The following PRKN variants were observed in gnomAD, a reference collection of about 807,000 sequenced individuals.
PRKN encodes the protein parkin RBR E3 ubiquitin protein ligase, also known as E3 ubiquitin-protein ligase parkin.
In PRKN, 56 loss-of-function variants were observed where a neutral mutation model predicts 59.5. That is an observed-to-expected ratio of 0.94 (90% confidence interval 0.76 to 1.18). PRKN has a LOEUF of 1.18. Among genes scored for constraint, PRKN ranks in the 50% most tolerant of loss-of-function variants. The pLI is 0.00. For missense variants in PRKN, 657 were observed against 596.4 expected, an observed-to-expected ratio of 1.10 and a Z score of -1.06; for synonymous variants, 250 against 222.1, an observed-to-expected ratio of 1.13 and a Z score of -1.12.
chr6:162,527,378 C>T (rs1188794666), intron 1 of PRKN, among the ~76,000 whole-genome samples: 1 of 152,000 alleles, frequency 6.6e-6, no homozygotes, highest in African/African-American at 2.4e-5. Flanking sequence ...CAGGAAAATC[C>T]AAAATAAGTA....
intron 1 of PRKN, among the ~76,000 whole-genome samples, chr6:162,672,430 C>CACT (rs1173096865): frequency 1.3e-5 from 2 of 152,042 alleles, no homozygotes; most frequent in African/African-American, 4.8e-5. Context: ...AATAAATGAA[C>CACT]ACTAGGATTG....
intron 4 of PRKN, among the ~76,000 whole-genome samples, chr6:162,193,209 C>A (rs963671007): frequency 6.6e-6 from 1 of 152,184 alleles, no homozygotes; most frequent in Non-Finnish European, 1.5e-5. Flanking sequence ...CAATGAATAA[C>A]ATATGATAAA....
intron 9 of PRKN, among the ~76,000 whole-genome samples, chr6:161,504,681 C>T (rs7767619): frequency 0.082 from 9,992 of 122,164 alleles, 545 homozygotes; most frequent in African/African-American, 0.16. Flanking sequence ...CCCCTCCCCC[C>T]ACCCCACAAC....
intron 2 of PRKN, among the ~76,000 whole-genome samples, chr6:162,324,618 C>G (rs764271903): frequency 5.5e-4 from 84 of 152,012 alleles, no homozygotes; most frequent in Non-Finnish European, 1.0e-3. Context: ...TCCACAGGTG[C>G]TCAGTTCATA....
At chr6:161,815,851 G>A (rs992082179) in intron 6 of PRKN, among the ~76,000 whole-genome samples, 3 of 152,152 alleles carry the variant, frequency 2.0e-5, no homozygotes, top group Non-Finnish European at 2.9e-5. Context: ...ACTGTACGAC[G>A]GGTTCACCTG....
chr6:161,438,364 C>T (rs545880238), intron 9 of PRKN, among the ~76,000 whole-genome samples: 47 of 151,966 alleles, frequency 3.1e-4, no homozygotes, highest in Non-Finnish European at 4.6e-4. Flanking sequence ...ACTACAGGCA[C>T]ACACCACCAC....
Position 161,349,388 on chromosome 6 carries a change from A to G in PRKN, c.*711T>C. ...TAACTTGATTTCTTCCCTGTAATTCAAACATTCAACATTCAAATTAACTTT... is the reference window on the plus strand; with the variant it reads ...TAACTTGATTTCTTCCCTGTAATTCGAACATTCAACATTCAAATTAACTTT... On this transcript the variant is annotated 3_prime_UTR_variant, in exon 12 of 12. Coordinates refer to ENST00000366898, the MANE Select transcript of PRKN (RefSeq NM_004562.3). The surrounding 1 kb of genome is among the most constrained non-coding windows in gnomAD (Gnocchi z 5.5). 4.3e-6 allele frequency: 1 copy of G among 231,430 alleles called. No homozygotes were observed. The highest frequency in any genetic ancestry group is 5.6e-5 in the Admixed American group (1 of 17,754). The allele number at this position is 231,430 out of a possible 1,614,324, so 14.3% of individuals were successfully genotyped here. A position where few individuals can be genotyped will look rare whatever the true frequency, so the allele number is the denominator to read the frequency against.
At chr6:161,897,980 A>AC (rs1777718870) in intron 6 of PRKN, among the ~76,000 whole-genome samples, 1 of 145,784 alleles carries the variant, frequency 6.9e-6, no homozygotes, top group Non-Finnish European at 1.5e-5. Context: ...AAAAAAAAAA[A>AC]AAAAGTCTCC....
At position 161,353,662 on chromosome 6, in the gene PRKN, T is replaced by G. The variant is rs1784647188; in HGVS notation, c.1286-3451A>C. Among the ~76,000 whole-genome samples the G allele has an allele frequency of 6.6e-6, 1 of 152,216 alleles. No homozygotes were observed. The highest frequency in any genetic ancestry group is 1.5e-5 in the Non-Finnish European group (1 of 68,042). On this transcript the variant is annotated intron_variant, in intron 11 of 11. Transcript: ENST00000366898. The surrounding 1 kb of genome is among the most constrained non-coding windows in gnomAD (Gnocchi z 4.8). ...CCTTTATAATAAACTGGTAAATGTG[T>G]TTCCCTGAGTTCTGTGAGCCACTGT...
chr6:162,430,946 G>T (rs9365423), intron 2 of PRKN, among the ~76,000 whole-genome samples: 1 of 152,032 alleles, frequency 6.6e-6, no homozygotes, highest in Non-Finnish European at 1.5e-5. Flanking sequence ...AGAACAATGT[G>T]CTCAGATAAG....
Position 161,377,152 on chromosome 6 carries a change from A to G in PRKN, c.1167+9642T>C, listed in dbSNP as rs1177845495. The stretch of plus-strand genomic sequence containing the variant: ...TGCGGGCCAATAAGAGCATCCCAGC[A>G]AAGATTTTGGGGGTTCAGCAGCTGA... On this transcript the variant is annotated intron_variant, in intron 10 of 11. Transcript: ENST00000366898. The surrounding 1 kb of genome is among the most constrained non-coding windows in gnomAD (Gnocchi z 4.2). Among the ~76,000 whole-genome samples, 1 of 152,238 alleles carries G rather than the reference A, an allele frequency of 6.6e-6. No individual in the cohort carries two copies. The highest frequency in any genetic ancestry group is 2.4e-5 in the African/African-American group (1 of 41,466).
At chr6:162,333,492 T>C (rs1783684936) in intron 2 of PRKN, among the ~76,000 whole-genome samples, 1 of 152,176 alleles carries the variant, frequency 6.6e-6, no homozygotes, top group African/African-American at 2.4e-5. Context: ...TTATATCTGT[T>C]ATTGTGATGT....
chr6:161,909,364 A>G (rs1033795388), intron 6 of PRKN, among the ~76,000 whole-genome samples: 5 of 152,204 alleles, frequency 3.3e-5, no homozygotes, highest in East Asian at 1.9e-4. Flanking sequence ...TTGTTCTGAA[A>G]ATGCAGCTGC....
intron 2 of PRKN, among the ~76,000 whole-genome samples, chr6:162,348,839 C>G (rs1260102415): frequency 6.6e-6 from 1 of 152,004 alleles, no homozygotes; most frequent in Admixed American, 6.6e-5. Context: ...TAAAAATCAA[C>G]AGCAAATTAG....
chr6:162,131,596 C>G (rs1180165162), intron 4 of PRKN, among the ~76,000 whole-genome samples: 1 of 152,080 alleles, frequency 6.6e-6, no homozygotes, highest in African/African-American at 2.4e-5. Flanking sequence ...TTTTCTGTGT[C>G]TTTAGATTCT....
At chr6:162,108,027 C>T (rs779736227) in intron 4 of PRKN, among the ~76,000 whole-genome samples, 1 of 152,164 alleles carries the variant, frequency 6.6e-6, no homozygotes, top group Admixed American at 6.6e-5. Flanking sequence ...TTACTTATTA[C>T]ATATGGATGC....
intron 7 of PRKN, among the ~76,000 whole-genome samples, chr6:161,772,497 A>G (rs1009638756): frequency 1.3e-5 from 2 of 152,180 alleles, no homozygotes; most frequent in Non-Finnish European, 2.9e-5. Flanking sequence ...CTGAGGTGGA[A>G]CCACCCAAAA....
intron 9 of PRKN, among the ~76,000 whole-genome samples, chr6:161,510,782 G>C (rs1231955849): frequency 3.9e-5 from 6 of 152,162 alleles, no homozygotes; most frequent in Non-Finnish European, 5.9e-5. Flanking sequence ...GCAAATGATA[G>C]AGGATATAAT....
intron 1 of PRKN, among the ~76,000 whole-genome samples, chr6:162,488,134 CAA>C (rs1033168299): frequency 4.8e-5 from 7 of 145,376 alleles, no homozygotes; most frequent in Non-Finnish European, 1.0e-4. Context: ...CCAGATTTTA[CAA>C]AGTTTAAACA....
Sources: gnomAD v4.1 joint callset for allele counts (sites outside exome capture counted in the v4.1 genomes callset) on GRCh38, gnomAD v4.1.1 for gene constraint, Gnocchi (gnomAD v3.1) non-coding constraint, MANE v1.5 for transcripts, NCBI Gene and HGNC (gene_info 2026-07-23, HGNC 2026-07-21) for gene names.